Variants in SGCZ observed in about 807,000 individuals in gnomAD.
The protein encoded by SGCZ is sarcoglycan zeta, also known as zeta-sarcoglycan.
SGCZ carries 40 observed loss-of-function variants against 41.3 expected under a neutral mutation model. The ratio of observed to expected loss-of-function variants is 0.97; its 90% confidence interval spans 0.75 to 1.26. The LOEUF (loss-of-function observed/expected upper bound fraction) is 1.26, where lower values mean the gene tolerates loss of function less well. Ranked by LOEUF, SGCZ falls within the 50% of genes most tolerant of loss-of-function variation. The pLI is 0.00. For missense variants in SGCZ, 552 were observed against 369.8 expected, an observed-to-expected ratio of 1.49 and a Z score of -4.04; for synonymous variants, 206 against 137.5, an observed-to-expected ratio of 1.50 and a Z score of -3.49.
chr8:15,022,909 CA>C, intron 1 of SGCZ, among the ~76,000 whole-genome samples: 1 of 152,288 alleles, frequency 6.6e-6, no homozygotes, highest in South Asian at 2.1e-4. Context: ...GTACGTTTCA[CA>C]GCCAGTGTGT....
chr8:15,006,942 G>A (rs1168350553), intron 1 of SGCZ, among the ~76,000 whole-genome samples: 1 of 152,196 alleles, frequency 6.6e-6, no homozygotes, highest in Admixed American at 6.5e-5. Flanking sequence ...GAACAGTGCT[G>A]TGCCATGCAT....
intron 4 of SGCZ, among the ~76,000 whole-genome samples, chr8:14,195,996 T>A (rs1253858856): frequency 6.6e-6 from 1 of 152,082 alleles, no homozygotes; most frequent in Non-Finnish European, 1.5e-5. Flanking sequence ...GTAAACACAA[T>A]TTTCTTATTA....
In SGCZ at chr8:15,027,216, G is replaced by C. The variant is rs142795450; in HGVS notation, c.39+210369C>G. On this transcript the variant is annotated intron_variant, in intron 1 of 7. Transcript: ENST00000382080. ...CTCTTACAGACTCACAATATGTACT[G>C]ACATTTTTGAAATTCCAGGAAGTTC... 9.9e-4 allele frequency among the ~76,000 whole-genome samples: 151 copies of C among 152,104 alleles called. 1 individual carries two copies. Among genetic ancestry groups the C allele is most frequent in the African/African-American group, 3.5e-3 (145 of 41,492 alleles).
chr8:15,049,399 T>C (rs553268814), intron 1 of SGCZ, among the ~76,000 whole-genome samples: 1 of 152,206 alleles, frequency 6.6e-6, no homozygotes, highest in Admixed American at 6.6e-5. Flanking sequence ...TGTGAAGAAG[T>C]AGCAAGAGCA....
At chr8:14,962,290 G>A (rs934677767) in intron 1 of SGCZ, among the ~76,000 whole-genome samples, 15 of 151,860 alleles carry the variant, frequency 9.9e-5, no homozygotes, top group African/African-American at 3.6e-4. Flanking sequence ...ATTATACCAT[G>A]CATTTAAGAA....
intron 1 of SGCZ, among the ~76,000 whole-genome samples, chr8:14,617,251 T>C (rs535259126): frequency 3.9e-5 from 6 of 152,300 alleles, no homozygotes; most frequent in African/African-American, 1.2e-4. Context: ...TATTCATATT[T>C]ATTTTTTCAA....
At position 15,143,994 on chromosome 8, in the gene SGCZ, G is replaced by T. The variant is rs1251287844; in HGVS notation, c.39+93591C>A. ...GGGGTTTCACCGTTTTAGCCGGGAT[G>T]GTCTCGATCTCCTGACCTCGTGATC... On this transcript the variant is annotated intron_variant, in intron 1 of 7. Coordinates refer to ENST00000382080, the MANE Select transcript of SGCZ (RefSeq NM_139167.4). Among the ~76,000 whole-genome samples the T allele has an allele frequency of 1.1e-4, 4 of 37,776 alleles. 2 individuals carry two copies. Among genetic ancestry groups the T allele is most frequent in the African/African-American group, 2.7e-4 (4 of 14,628 alleles). The allele number at this position is 37,776 out of a possible 152,430, so 24.8% of individuals were successfully genotyped here.
intron 2 of SGCZ, among the ~76,000 whole-genome samples, chr8:14,497,520 T>G (rs1011915108): frequency 1.3e-5 from 2 of 152,092 alleles, no homozygotes; most frequent in Admixed American, 1.3e-4. Context: ...AACACAAATT[T>G]GTAAGCTTTC....
intron 3 of SGCZ, among the ~76,000 whole-genome samples, chr8:14,251,914 TG>T (rs1799301230): frequency 1.3e-5 from 2 of 152,270 alleles, no homozygotes; most frequent in Admixed American, 1.3e-4. Context: ...TTTGCAATGT[TG>T]GCCAGGATGG....
chr8:14,228,584 A>G (rs1806454011), intron 4 of SGCZ, among the ~76,000 whole-genome samples: 1 of 152,056 alleles, frequency 6.6e-6, no homozygotes, highest in African/African-American at 2.4e-5. Flanking sequence ...TTAAGAAATA[A>G]TTAGTCTGTG....
At chr8:14,444,947 G>A (rs1369250620) in intron 2 of SGCZ, among the ~76,000 whole-genome samples, 1 of 152,054 alleles carries the variant, frequency 6.6e-6, no homozygotes, top group Non-Finnish European at 1.5e-5. Flanking sequence ...TTTCCTTCTG[G>A]CCTCTTTGTT....
chr8:15,143,262 A>G (rs1798945971), intron 1 of SGCZ, among the ~76,000 whole-genome samples: 1 of 152,196 alleles, frequency 6.6e-6, no homozygotes, highest in African/African-American at 2.4e-5. Flanking sequence ...CATGAGAGGA[A>G]CCTTATATAT....
rs775164382 is a variant in SGCZ at position 14,370,818 on chromosome 8, T to C, written c.235-46614A>G. On this transcript the variant is annotated intron_variant, in intron 2 of 7. Coordinates refer to ENST00000382080, the MANE Select transcript of SGCZ (RefSeq NM_139167.4). ...TCACTACAATCATTAATAAAACTCA[T>C]AGTTTTTGGTAAAAATTTAAATTGA... 3.9e-5 allele frequency among the ~76,000 whole-genome samples: 6 copies of C among 152,042 alleles called. No homozygotes were observed. In the South Asian group the frequency reaches 8.3e-4, roughly 21 times the overall value.
At chr8:14,975,808 T>C (rs1353339529) in intron 1 of SGCZ, among the ~76,000 whole-genome samples, 2 of 101,630 alleles carry the variant, frequency 2.0e-5, no homozygotes, top group Non-Finnish European at 3.9e-5. Context: ...TATATATATA[T>C]ATGTGTGTGT....
At chr8:14,232,959 T>C (rs988123972) in intron 4 of SGCZ, among the ~76,000 whole-genome samples, 4 of 152,062 alleles carry the variant, frequency 2.6e-5, no homozygotes, top group African/African-American at 9.6e-5. Context: ...ACTGGGATAA[T>C]AATATAGATG....
intron 1 of SGCZ, among the ~76,000 whole-genome samples, chr8:14,735,932 G>A (rs919477922): frequency 7.2e-5 from 11 of 152,014 alleles, no homozygotes; most frequent in African/African-American, 2.7e-4. Context: ...ATCAGTATGA[G>A]CAAAGACACC....
At chr8:14,810,916 A>T (rs1801719321) in intron 1 of SGCZ, among the ~76,000 whole-genome samples, 1 of 152,042 alleles carries the variant, frequency 6.6e-6, no homozygotes, top group South Asian at 2.1e-4. Context: ...TTAAAATGCT[A>T]TCATCAATCC....
intron 1 of SGCZ, among the ~76,000 whole-genome samples, chr8:14,928,884 C>T (rs1585387191): frequency 6.6e-6 from 1 of 152,114 alleles, no homozygotes; most frequent in African/African-American, 2.4e-5. Flanking sequence ...CCTATTATAC[C>T]ATCTCTCAAA....
intron 4 of SGCZ, among the ~76,000 whole-genome samples, chr8:14,217,064 G>T (rs971871359): frequency 2.6e-5 from 4 of 152,130 alleles, no homozygotes; most frequent in Non-Finnish European, 5.9e-5. Context: ...GAGGTGGGTG[G>T]ATCACGAGGT....
Sources: gnomAD v4.1 joint callset for allele counts (sites outside exome capture counted in the v4.1 genomes callset) on GRCh38, gnomAD v4.1.1 for gene constraint, MANE v1.5 for transcripts, NCBI Gene and HGNC (gene_info 2026-07-23, HGNC 2026-07-21) for gene names.